Variants in ZFHX3 observed in about 807,000 individuals in gnomAD.
The protein encoded by ZFHX3 is zinc finger homeobox 3.
A neutral mutation model predicts 279.1 loss-of-function variants in ZFHX3; 42 were observed. The observed-to-expected ratio is 0.15, with a 90% CI of 0.12 to 0.19. ZFHX3 has a LOEUF of 0.19. Ranked by LOEUF, ZFHX3 falls within the 10% of genes least tolerant of loss-of-function variation. The pLI is 1.00. For missense variants in ZFHX3, 4,981 were observed against 4,754.0 expected (o/e 1.05, Z -1.40); for synonymous variants, 2,293 against 1,957.8 (o/e 1.17, Z -4.52).
At chr16:73,238,828 A>C (rs2013031892) in intron 5 of ZFHX3, among the ~76,000 whole-genome samples, 1 of 152,104 alleles carries the variant, frequency 6.6e-6, no homozygotes, top group African/African-American at 2.4e-5. Flanking sequence ...ATTCCATATG[A>C]GGTTCCTGCT....
chr16:73,754,122 T>C (rs12447507), intron 1 of ZFHX3, among the ~76,000 whole-genome samples: 24,240 of 151,920 alleles, frequency 0.16, 1,960 homozygotes, highest in African/African-American at 0.18. Context: ...GGCAGACAGC[T>C]AGGAACACAG....
At chr16:72,988,545 T>G (rs1446794031) in intron 1 of ZFHX3, among the ~76,000 whole-genome samples, 1 of 152,210 alleles carries the variant, frequency 6.6e-6, no homozygotes, top group Admixed American at 6.5e-5. Context: ...CTAAATCACT[T>G]CTTTTCAAAT....
chr16:73,490,956 C>G (rs940405403), intron 2 of ZFHX3, among the ~76,000 whole-genome samples: 5 of 152,318 alleles, frequency 3.3e-5, no homozygotes, highest in African/African-American at 1.2e-4. Flanking sequence ...TCTCCTGTGA[C>G]TAATATTTAT....
intron 5 of ZFHX3, among the ~76,000 whole-genome samples, chr16:73,145,290 T>C (rs985647834): frequency 6.6e-6 from 1 of 152,146 alleles, no homozygotes; most frequent in Non-Finnish European, 1.5e-5. Context: ...ATGATCAAAG[T>C]CAGGGGTCAG....
In ZFHX3 at chr16:72,852,611, A is replaced by C. The variant is rs143149521; in HGVS notation, c.3449-22752T>G. On this transcript the variant is annotated intron_variant, in intron 4 of 9. Coordinates refer to ENST00000268489, the MANE Select transcript of ZFHX3 (RefSeq NM_006885.4). Reference sequence around the variant, plus strand: ...TTGCTTAAGTTGTATATTTTCTTTTAAGTAAAAAATGAGGGAAGAGAAAGA... The same window carrying C: ...TTGCTTAAGTTGTATATTTTCTTTTCAGTAAAAAATGAGGGAAGAGAAAGA... 3.9e-4 allele frequency among the ~76,000 whole-genome samples: 60 copies of C among 152,360 alleles called. 1 individual carries two copies. Among genetic ancestry groups the C allele is most frequent in the African/African-American group, 1.2e-3 (50 of 41,592 alleles).
intron 2 of ZFHX3, among the ~76,000 whole-genome samples, chr16:73,564,498 G>A (rs757311506): frequency 3.9e-5 from 6 of 152,134 alleles, no homozygotes; most frequent in Non-Finnish European, 5.9e-5. Context: ...ATCACTACAT[G>A]GGATTCCAGT....
At position 72,797,332 on chromosome 16, in the gene ZFHX3, T is replaced by G; in HGVS notation, c.5350A>C (p.Thr1784Pro). The change falls in exon 9 of 10, where the codon ACT becomes CCT. Residue 1784 changes from threonine (T) to proline (P), a missense_variant. Physicochemically the swap from Thr to Pro is conservative, Grantham distance 38. This residue lies in a region of ZFHX3 where 1,751 missense variants were observed against 1,770.0 expected (regional missense o/e 0.99). Coordinates refer to ENST00000268489, the MANE Select transcript of ZFHX3 (RefSeq NM_006885.4). ...PTLLPHFPMT[T>P]ETLLQLQQQQ... is the part of the protein sequence containing the mutation. ...TGCTGTAGTTGCAGCAGGGTCTCAG[T>G]TGTCATGGGGAAGTGAGGAAGGAGG... is the stretch of plus-strand genomic sequence containing the variant. The G allele has an allele frequency of 1.9e-6, 3 of 1,602,512 alleles. No homozygotes were observed. Among genetic ancestry groups the G allele is most frequent in the Non-Finnish European group, 2.6e-6 (3 of 1,173,726 alleles).
At chr16:73,837,555 G>A (rs991878991) in intron 1 of ZFHX3, among the ~76,000 whole-genome samples, 3 of 152,182 alleles carry the variant, frequency 2.0e-5, no homozygotes, top group African/African-American at 7.2e-5. Context: ...ATCACTAACA[G>A]CACAAGAATT....
intron 3 of ZFHX3, among the ~76,000 whole-genome samples, chr16:72,945,825 G>A (rs190401847): frequency 6.6e-6 from 1 of 152,042 alleles, no homozygotes; most frequent in African/African-American, 2.4e-5. Context: ...CCCAAAGGAT[G>A]TATGCTTTTT....
At chr16:73,405,867 C>A (rs1384062710) in intron 3 of ZFHX3, among the ~76,000 whole-genome samples, 1 of 152,214 alleles carries the variant, frequency 6.6e-6, no homozygotes, top group Non-Finnish European at 1.5e-5. Context: ...CATTTGGAAT[C>A]TTCTTGAAAG....
At chr16:73,262,934 T>A (rs1454488204) in intron 4 of ZFHX3, among the ~76,000 whole-genome samples, 1 of 151,992 alleles carries the variant, frequency 6.6e-6, no homozygotes, top group Non-Finnish European at 1.5e-5. Context: ...GCCAGACATG[T>A]GAGTGAGGGG....
intron 2 of ZFHX3, among the ~76,000 whole-genome samples, chr16:73,552,566 C>T (rs1419863430): frequency 6.6e-6 from 1 of 152,116 alleles, no homozygotes; most frequent in Non-Finnish European, 1.5e-5. Context: ...CATTTTCTCA[C>T]CACCACTAGC....
At chr16:73,217,188 A>G (rs1012450066) in intron 5 of ZFHX3, among the ~76,000 whole-genome samples, 2 of 152,216 alleles carry the variant, frequency 1.3e-5, no homozygotes, top group Admixed American at 6.5e-5. Flanking sequence ...GGTCGATGTT[A>G]TCGATCCTCA....
chr16:73,644,044 T>A (rs1445744421), intron 2 of ZFHX3, among the ~76,000 whole-genome samples: 2 of 152,094 alleles, frequency 1.3e-5, no homozygotes, highest in East Asian at 3.9e-4. Flanking sequence ...GGTTCATTCA[T>A]CTTTCTGCAG....
chr16:73,319,114 G>T (rs116568450), intron 3 of ZFHX3, among the ~76,000 whole-genome samples: 31 of 151,918 alleles, frequency 2.0e-4, no homozygotes, highest in Admixed American at 9.2e-4. Flanking sequence ...GTGTGGAATG[G>T]GGGGGGCAGA....
chr16:73,279,513 A>G (rs148283907), intron 4 of ZFHX3, among the ~76,000 whole-genome samples: 3 of 152,316 alleles, frequency 2.0e-5, no homozygotes, highest in Non-Finnish European at 2.9e-5. Context: ...GAGGAACCCA[A>G]TGGAAATTGC....
intron 4 of ZFHX3, among the ~76,000 whole-genome samples, chr16:73,259,984 ATTTT>A (rs138970337): frequency 6.6e-6 from 1 of 150,764 alleles, no homozygotes; most frequent in African/African-American, 2.4e-5. Flanking sequence ...CGTAAAATAA[ATTTT>A]TTTTTTCCTT....
intron 5 of ZFHX3, among the ~76,000 whole-genome samples, chr16:72,818,679 AC>A (rs1341717044): frequency 6.6e-6 from 1 of 152,166 alleles, no homozygotes; most frequent in Non-Finnish European, 1.5e-5. Context: ...CTAAAAAGAA[AC>A]TGAGGCTTCT....
chr16:72,921,671 T>C (rs1482954559), intron 3 of ZFHX3, among the ~76,000 whole-genome samples: 7 of 152,152 alleles, frequency 4.6e-5, no homozygotes, highest in Non-Finnish European at 7.4e-5. Flanking sequence ...TCACTGCATG[T>C]ACAGAAGGGG....
Sources: allele counts gnomAD v4.1 joint callset (sites outside exome capture counted in the v4.1 genomes callset), GRCh38; gene constraint gnomAD v4.1.1; regional missense constraint gnomAD v4.1.1; transcripts MANE v1.5; gene names NCBI Gene and HGNC (gene_info 2026-07-23, HGNC 2026-07-21).